Variants in NEDD9 observed in about 807,000 individuals in gnomAD.
NEDD9 encodes enhancer of filamentation 1.
NEDD9 carries 26 observed loss-of-function variants against 76.6 expected under a neutral mutation model. The observed-to-expected ratio is 0.34, with a 90% CI of 0.25 to 0.47. The LOEUF (loss-of-function observed/expected upper bound fraction) is 0.47. NEDD9 is among the 20% of genes least tolerant of loss of function. The pLI is 1.00. For synonymous variants in NEDD9, 392 were observed against 414.2 expected, an observed-to-expected ratio of 0.95 and a Z score of 0.65; for missense variants, 937 against 1,058.5, an observed-to-expected ratio of 0.89 and a Z score of 1.59.
At chr6:11,355,964 GC>G (rs1762566321) in intron 1 of NEDD9, among the ~76,000 whole-genome samples, 11 of 152,198 alleles carry the variant, frequency 7.2e-5, no homozygotes, top group Admixed American at 7.2e-4. Flanking sequence ...CTCGTGATCT[GC>G]CCACCTTGGC....
intron 3 of NEDD9, among the ~76,000 whole-genome samples, chr6:11,248,485 A>G (rs995061802): frequency 2.0e-5 from 3 of 152,182 alleles, no homozygotes; most frequent in African/African-American, 4.8e-5. Flanking sequence ...ATATTCTCAA[A>G]CTGGTTCCCC....
chr6:11,362,924 T>A (rs1293285049), intron 1 of NEDD9, among the ~76,000 whole-genome samples: 1 of 152,228 alleles, frequency 6.6e-6, no homozygotes, highest in African/African-American at 2.4e-5. Context: ...AATGCTGAAA[T>A]AAACTATTGC....
At chr6:11,359,669 G>C (rs188686457) in intron 1 of NEDD9, among the ~76,000 whole-genome samples, 1 of 152,382 alleles carries the variant, frequency 6.6e-6, no homozygotes, top group Non-Finnish European at 1.5e-5. Context: ...GGTTAAGGCA[G>C]AATAGAATAC....
intron 2 of NEDD9, among the ~76,000 whole-genome samples, chr6:11,209,340 T>C (rs908383361): frequency 4.6e-5 from 7 of 152,094 alleles, no homozygotes; most frequent in African/African-American, 1.7e-4. Flanking sequence ...AAAAGACCAA[T>C]GAAATTAAGT....
At chr6:11,303,111 A>G (rs1761095149) in intron 3 of NEDD9, among the ~76,000 whole-genome samples, 1 of 152,230 alleles carries the variant, frequency 6.6e-6, no homozygotes, top group Non-Finnish European at 1.5e-5. Context: ...GTATATTTAG[A>G]AAACCCCATT....
chr6:11,301,249 A>G (rs541520222), intron 3 of NEDD9, among the ~76,000 whole-genome samples: 5 of 152,350 alleles, frequency 3.3e-5, no homozygotes, highest in African/African-American at 1.2e-4. Context: ...TTAAACCAAC[A>G]AAGATCAAAA....
chr6:11,333,778 C>G (rs11754602), intron 2 of NEDD9, among the ~76,000 whole-genome samples: 12,838 of 152,296 alleles, frequency 0.084, 749 homozygotes, highest in Non-Finnish European at 0.13. Flanking sequence ...GCCATTTTAT[C>G]CACTTTAATG....
At chr6:11,240,346 C>T (rs1759688062) in intron 3 of NEDD9, among the ~76,000 whole-genome samples, 1 of 152,158 alleles carries the variant, frequency 6.6e-6, no homozygotes, top group African/African-American at 2.4e-5. Flanking sequence ...CACTGTACAG[C>T]CCCTTACAAC....
chr6:11,213,426 A>T lies in NEDD9; in HGVS notation c.314T>A (p.Ile105Asn), dbSNP rs1758845074. 4 of 1,613,924 alleles carry T rather than the reference A, an allele frequency of 2.5e-6. No homozygotes were observed. Among genetic ancestry groups the T allele is most frequent in the Non-Finnish European group, 3.4e-6 (4 of 1,179,986 alleles). ...PNPQAAPRDT[I>N]YQVPPSYQNQ... Reference sequence around the variant, plus strand: ...TTGGTAGGAAGGTGGCACTTGGTAGATGGTGTCTCGGGGAGCAGCCTGTGG... The same window carrying T: ...TTGGTAGGAAGGTGGCACTTGGTAGTTGGTGTCTCGGGGAGCAGCCTGTGG... The change falls in exon 2 of 7, where the codon ATC (isoleucine) becomes AAC (asparagine). Residue 105 changes from isoleucine (I) to asparagine (N), a missense_variant. Ile to Asn is a moderately radical substitution (Grantham distance 149). Transcript: ENST00000379446. The surrounding 1 kb of genome is among the most constrained non-coding windows in gnomAD (Gnocchi z 5.4).
intron 1 of NEDD9, among the ~76,000 whole-genome samples, chr6:11,378,698 C>A (rs1374277366): frequency 6.6e-6 from 1 of 152,100 alleles, no homozygotes; most frequent in Non-Finnish European, 1.5e-5. Flanking sequence ...AAATTATTCA[C>A]CCTCATGTAT....
intron 2 of NEDD9, among the ~76,000 whole-genome samples, chr6:11,311,993 C>T (rs191002939): frequency 6.6e-6 from 1 of 152,334 alleles, no homozygotes; most frequent in African/African-American, 2.4e-5. Context: ...TGGTGCTAGT[C>T]TGTCTGGGTG....
intron 1 of NEDD9, among the ~76,000 whole-genome samples, chr6:11,369,698 A>G (rs1206882633): frequency 6.6e-6 from 1 of 152,250 alleles, no homozygotes; most frequent in African/African-American, 2.4e-5. Flanking sequence ...TTATTCTACA[A>G]TGAGATAGAT....
chr6:11,320,022 G>A (rs1212732488), intron 2 of NEDD9, among the ~76,000 whole-genome samples: 2 of 152,150 alleles, frequency 1.3e-5, no homozygotes, highest in Non-Finnish European at 2.9e-5. Context: ...TGGGTGACAG[G>A]CCCTGTATCC....
intron 1 of NEDD9, among the ~76,000 whole-genome samples, chr6:11,374,078 G>T (rs199808399): frequency 6.8e-6 from 1 of 147,942 alleles, no homozygotes; most frequent in Non-Finnish European, 1.5e-5. Context: ...ATATATATAT[G>T]TATATATATA....
rs376735927 is a variant in NEDD9, at chr6:11,275,382, G to C, written c.12+30610C>G. Among the ~76,000 whole-genome samples the C allele has an allele frequency of 1.5e-4, 23 of 152,224 alleles. No individual in the cohort carries two copies. The East Asian group carries it at 4.1e-3, about 27-fold the overall frequency. ...GTAAAGTATTGCATACTCGAAAATTGCTAAGAGAGTGGATTTTAAATATTT... is the reference window on the plus strand; with the variant it reads ...GTAAAGTATTGCATACTCGAAAATTCCTAAGAGAGTGGATTTTAAATATTT... On this transcript the variant is annotated intron_variant, in intron 3 of 3. Coordinates refer to the NEDD9 transcript ENST00000397378.
chr6:11,347,937 G>A (rs998677414), intron 1 of NEDD9, among the ~76,000 whole-genome samples: 3 of 152,152 alleles, frequency 2.0e-5, no homozygotes, highest in African/African-American at 7.2e-5. Flanking sequence ...TGGAAGCTCT[G>A]GCCAGGGCAA....
At chr6:11,301,337 C>G (rs1427142856) in intron 3 of NEDD9, among the ~76,000 whole-genome samples, 1 of 152,150 alleles carries the variant, frequency 6.6e-6, no homozygotes, top group Non-Finnish European at 1.5e-5. Context: ...TATATATGCA[C>G]CCAATACAGG....
intron 2 of NEDD9, among the ~76,000 whole-genome samples, chr6:11,308,138 T>C (rs1174797607): frequency 6.6e-6 from 1 of 151,916 alleles, no homozygotes; most frequent in Non-Finnish European, 1.5e-5. Flanking sequence ...TGGGTGAAGG[T>C]AGACTTGAGG....
intron 2 of NEDD9, among the ~76,000 whole-genome samples, chr6:11,319,564 A>T (rs367549664): frequency 0.075 from 11,202 of 149,578 alleles, 538 homozygotes; most frequent in Admixed American, 0.16. Flanking sequence ...ATGCGGACAC[A>T]CACACTAATA....
Sources: gnomAD v4.1 joint callset for allele counts (sites outside exome capture counted in the v4.1 genomes callset) on GRCh38, gnomAD v4.1.1 for gene constraint, Gnocchi (gnomAD v3.1) non-coding constraint, MANE v1.5 for transcripts, NCBI Gene and HGNC (gene_info 2026-07-23, HGNC 2026-07-21) for gene names.